Variants in ZMAT3 observed in about 807,000 individuals in gnomAD.
ZMAT3 encodes zinc finger matrin-type 3.
Under a neutral mutation model 32.3 loss-of-function variants are expected in ZMAT3, and 17 were observed. The observed-to-expected ratio is 0.53, with a 90% CI of 0.36 to 0.79. ZMAT3 has a LOEUF of 0.79. ZMAT3 is among the 30% of genes least tolerant of loss of function. The pLI is 0.00. For synonymous variants in ZMAT3, 120 were observed against 133.1 expected (o/e 0.90, Z 0.68); for missense variants, 329 against 359.7 (o/e 0.91, Z 0.69).
chr3:179,035,549 G>A (rs958195928), intron 2 of ZMAT3, among the ~76,000 whole-genome samples: 11 of 151,984 alleles, frequency 7.2e-5, no homozygotes, highest in African/African-American at 2.4e-4. Flanking sequence ...CACACTGGCC[G>A]GTTTTATTTT....
chr3:179,027,834 G>A (rs1388968525), intron 3 of ZMAT3, 22 bp from the exon 4 acceptor site: 17 of 1,578,096 alleles, frequency 1.1e-5, no homozygotes, highest in Non-Finnish European at 1.4e-5. Flanking sequence ...GACACAAGAA[G>A]AAACAAAGTT....
chr3:179,023,689 A>AATATATAAATATATATATATAT lies in ZMAT3; in HGVS notation c.*1327_*1328insATATATATATATATTTATATAT, dbSNP rs1232846996. On this transcript the variant is annotated 3_prime_UTR_variant, in exon 6 of 6. Coordinates refer to ENST00000311417, the MANE Select transcript of ZMAT3 (RefSeq NM_022470.4). ...CTTTGTTTCCTAAAAACTGCTGGAA[A>AATATATAAATATATATATATAT]ATATATCTATATATATATATATTTT... The AATATATAAATATATATATATAT allele has an allele frequency of 4.0e-3, 169 of 42,240 alleles. 15 individuals carry two copies. Among genetic ancestry groups the AATATATAAATATATATATATAT allele is most frequent in the African/African-American group, 0.017 (125 of 7,438 alleles). The allele number at this position is 42,240 out of a possible 1,614,324, so 2.6% of individuals were successfully genotyped here. A position where few individuals can be genotyped will look rare whatever the true frequency, so the allele number is the denominator to read the frequency against.
intron 1 of ZMAT3, among the ~76,000 whole-genome samples, chr3:179,068,380 C>T (rs549028183): frequency 2.0e-4 from 31 of 152,094 alleles, no homozygotes; most frequent in African/African-American, 6.0e-4. Context: ...GGTGTGGTGG[C>T]GAGTGCCTGT....
At chr3:179,065,944 A>G (rs974528941) in intron 2 of ZMAT3, among the ~76,000 whole-genome samples, 3 of 152,216 alleles carry the variant, frequency 2.0e-5, no homozygotes, top group Non-Finnish European at 4.4e-5. Flanking sequence ...ATATATGTGT[A>G]TAGCATACAA....
Position 179,018,849 on chromosome 3 carries a change from T to A in ZMAT3, c.*6168A>T, listed in dbSNP as rs1474678297. 1 of 152,152 alleles carries A rather than the reference T, an allele frequency of 6.6e-6. No individual in the cohort carries two copies. Among genetic ancestry groups the A allele is most frequent in the Non-Finnish European group, 1.5e-5 (1 of 68,012 alleles). 9.4% of individuals were successfully genotyped at this position (152,152 alleles called of 1,614,324 possible). On this transcript the variant is annotated 3_prime_UTR_variant, in exon 6 of 6. Coordinates refer to ENST00000311417, the MANE Select transcript of ZMAT3 (RefSeq NM_022470.4). ...AATTACAATTCTCAAGGAATTCAAA[T>A]CAAATTCTTTAGAAAAATTAATAGT... is the stretch of plus-strand genomic sequence containing the variant.
intron 2 of ZMAT3, among the ~76,000 whole-genome samples, chr3:179,044,707 A>T (rs1451055387): frequency 1.3e-5 from 2 of 152,218 alleles, no homozygotes; most frequent in Non-Finnish European, 2.9e-5. Context: ...GCCATAAAAA[A>T]GGATGAGTTC....
intron 2 of ZMAT3, among the ~76,000 whole-genome samples, chr3:179,058,690 A>G (rs1468136619): frequency 3.4e-5 from 5 of 146,368 alleles, no homozygotes; most frequent in African/African-American, 1.3e-4. Flanking sequence ...CGGGAGGCGG[A>G]GCTTGCAGTG....
chr3:179,052,104 T>C (rs4311260), intron 2 of ZMAT3, among the ~76,000 whole-genome samples: 2,264 of 152,172 alleles, frequency 0.015, 56 homozygotes, highest in African/African-American at 0.052. Flanking sequence ...CTTCTAGACA[T>C]TGACTTAAGC....
At chr3:179,029,932 G>A (rs1403360550) in intron 3 of ZMAT3, among the ~76,000 whole-genome samples, 5 of 152,070 alleles carry the variant, frequency 3.3e-5, no homozygotes, top group Admixed American at 6.6e-5. Flanking sequence ...CTGAAACAAC[G>A]TATGAAACAT....
At chr3:179,033,820 A>G (rs1049271386) in intron 2 of ZMAT3, among the ~76,000 whole-genome samples, 2 of 152,240 alleles carry the variant, frequency 1.3e-5, no homozygotes, top group Non-Finnish European at 2.9e-5. Flanking sequence ...TTGTCCATTT[A>G]TGACAGCCAA....
At chr3:179,054,139 C>T (rs181512893) in intron 2 of ZMAT3, among the ~76,000 whole-genome samples, 6 of 152,276 alleles carry the variant, frequency 3.9e-5, no homozygotes, top group Admixed American at 6.5e-5. Flanking sequence ...AAATAAAACT[C>T]GGCCAATGCC....
chr3:179,048,994 T>C (rs1035103236), intron 2 of ZMAT3, among the ~76,000 whole-genome samples: 3 of 152,056 alleles, frequency 2.0e-5, no homozygotes, highest in African/African-American at 7.2e-5. Flanking sequence ...TCTATGCAAA[T>C]GGACAACAAA....
chr3:179,056,660 T>C (rs1720863660), intron 2 of ZMAT3, among the ~76,000 whole-genome samples: 2 of 152,186 alleles, frequency 1.3e-5, no homozygotes, highest in East Asian at 3.9e-4. Context: ...CCGGGTATGC[T>C]TGACCATTGA....
chr3:179,023,694 ATC>A lies in ZMAT3; in HGVS notation c.*1321_*1322del, dbSNP rs1323861793. The A allele has an allele frequency of 0.038, 688 of 17,920 alleles. 130 individuals carry two copies. Among genetic ancestry groups the A allele is most frequent in the African/African-American group, 0.2 (538 of 2,722 alleles). 1.1% of individuals were successfully genotyped at this position (17,920 alleles called of 1,614,324 possible). A position where few individuals can be genotyped will look rare whatever the true frequency, so the allele number is the denominator to read the frequency against. ...TTTCCTAAAAACTGCTGGAAAATAT[ATC>A]TATATATATATATATTTTTTTTTTT... On this transcript the variant is annotated 3_prime_UTR_variant, in exon 6 of 6. Transcript: ENST00000311417.
At chr3:179,048,775 CAA>C (rs199703376) in intron 2 of ZMAT3, among the ~76,000 whole-genome samples, 62 of 102,892 alleles carry the variant, frequency 6.0e-4, no homozygotes, top group Non-Finnish European at 6.5e-4. Flanking sequence ...GGTATTCAGG[CAA>C]AAAAAAAAAA....
Position 179,024,847 on chromosome 3 carries a change from G to GC in ZMAT3, c.*169dup. On this transcript the variant is annotated 3_prime_UTR_variant, in exon 6 of 6. Coordinates refer to ENST00000311417, the MANE Select transcript of ZMAT3 (RefSeq NM_022470.4). ...ACGTTCTTCACACCCACCTCCCCCC[G>GC]CCCCGCCCCCGGGCCCCCAGGTTTT... The GC allele has an allele frequency of 3.7e-5, 13 of 354,080 alleles. No homozygotes were observed. Among genetic ancestry groups the GC allele is most frequent in the Non-Finnish European group, 6.7e-5 (12 of 180,356 alleles). The allele number at this position is 354,080 out of a possible 1,614,324, so 21.9% of individuals were successfully genotyped here.
intron 2 of ZMAT3, among the ~76,000 whole-genome samples, chr3:179,051,694 A>T (rs913217549): frequency 3.9e-5 from 6 of 152,208 alleles, no homozygotes; most frequent in Non-Finnish European, 2.9e-5. Context: ...ATTTATATGG[A>T]ACCAAAAAAG....
chr3:179,067,850 A>G (rs1414268448), intron 1 of ZMAT3, 41 bp from the exon 2 acceptor site: 1 of 1,509,236 alleles, frequency 6.6e-7, no homozygotes, highest in African/African-American at 1.4e-5. Context: ...AACTCACTTG[A>G]AAATCAGACT....
In ZMAT3 at chr3:179,023,634, AGT is replaced by A. The variant is rs1364491381; in HGVS notation, c.*1381_*1382del. ...TATAAGCGCATGTTACTATCAATGA[AGT>A]AACTCTAAATTGGAAAATCAAACAC... is the stretch of plus-strand genomic sequence containing the variant. On this transcript the variant is annotated 3_prime_UTR_variant, in exon 6 of 6. Coordinates refer to ENST00000311417, the MANE Select transcript of ZMAT3 (RefSeq NM_022470.4). 16 of 138,866 alleles carry A rather than the reference AGT, an allele frequency of 1.2e-4. No homozygotes were observed. The highest frequency in any genetic ancestry group is 7.3e-4 in the Admixed American group (10 of 13,656). 8.6% of individuals were successfully genotyped at this position (138,866 alleles called of 1,614,324 possible).
Sources: allele counts gnomAD v4.1 joint callset (sites outside exome capture counted in the v4.1 genomes callset), GRCh38; gene constraint gnomAD v4.1.1; transcripts MANE v1.5; gene names NCBI Gene and HGNC (gene_info 2026-07-23, HGNC 2026-07-21).